UNC5D: variants seen among roughly 807,000 people sequenced by gnomAD.
UNC5D encodes netrin receptor UNC5D.
In UNC5D, 39 loss-of-function variants were observed where a neutral mutation model predicts 105.4. The observed-to-expected ratio is 0.37, with a 90% confidence interval of 0.29 to 0.48. The LOEUF (loss-of-function observed/expected upper bound fraction) is 0.48. UNC5D is among the 20% of genes least tolerant of loss of function. UNC5D has a pLI of 0.98. For synonymous variants in UNC5D, 452 were observed against 450.4 expected (o/e 1.00, Z -0.04); for missense variants, 991 against 1,202.4 (o/e 0.82, Z 2.60).
At chr8:35,629,429 C>T (rs1586288794) in intron 4 of UNC5D, among the ~76,000 whole-genome samples, 1 of 151,858 alleles carries the variant, frequency 6.6e-6, no homozygotes, top group East Asian at 1.9e-4. Context: ...TGAACAAATT[C>T]AGCAACAGAA....
intron 11 of UNC5D, among the ~76,000 whole-genome samples, chr8:35,735,987 T>C: frequency 6.6e-6 from 1 of 152,202 alleles, no homozygotes; most frequent in East Asian, 1.9e-4. Flanking sequence ...TTTTATGATA[T>C]GAATCTGTTT....
chr8:35,522,140 G>A (rs1813529631), intron 1 of UNC5D, among the ~76,000 whole-genome samples: 2 of 152,122 alleles, frequency 1.3e-5, no homozygotes, highest in Non-Finnish European at 2.9e-5. Flanking sequence ...AAAATATCTG[G>A]TGATTCTAAA....
chr8:35,646,312 G>A (rs1026318240), intron 4 of UNC5D, among the ~76,000 whole-genome samples: 2 of 152,066 alleles, frequency 1.3e-5, no homozygotes, highest in Admixed American at 1.3e-4. Context: ...GTGCTGAGAT[G>A]GCAGAAATTG....
rs778179010 is a variant in UNC5D, at chr8:35,239,106, C to T, written c.103+3219C>T. 3.2e-4 allele frequency among the ~76,000 whole-genome samples: 49 copies of T among 152,268 alleles called. 1 individual carries two copies. Among genetic ancestry groups the T allele is most frequent in the Admixed American group, 2.4e-3 (37 of 15,304 alleles). On this transcript the variant is annotated intron_variant, in intron 1 of 16. Coordinates refer to ENST00000404895, the MANE Select transcript of UNC5D (RefSeq NM_080872.4). The stretch of plus-strand genomic sequence containing the variant: ...CCTTCTTAAGAGATCTTTTAAGCAT[C>T]TCAGTTTTTAATAAGAGATTAATTG...
intron 1 of UNC5D, among the ~76,000 whole-genome samples, chr8:35,270,071 A>G (rs1805171169): frequency 6.6e-6 from 1 of 152,170 alleles, no homozygotes. Context: ...TCAGAAGATA[A>G]TTGAGAGGGA....
chr8:35,739,146 A>G (rs1829620821), intron 11 of UNC5D, among the ~76,000 whole-genome samples: 1 of 152,198 alleles, frequency 6.6e-6, no homozygotes, highest in Admixed American at 6.6e-5. Flanking sequence ...TGTAACAAAA[A>G]GGGCAATTTA....
At chr8:35,345,169 G>A (rs1322422338) in intron 1 of UNC5D, among the ~76,000 whole-genome samples, 1 of 151,938 alleles carries the variant, frequency 6.6e-6, no homozygotes, top group Non-Finnish European at 1.5e-5. Context: ...TGAAAAGAAC[G>A]CTTGTAATCT....
intron 1 of UNC5D, among the ~76,000 whole-genome samples, chr8:35,323,601 A>G (rs1014895607): frequency 6.6e-6 from 1 of 152,198 alleles, no homozygotes; most frequent in Admixed American, 6.5e-5. Context: ...TTCCAAAAAC[A>G]TATGTCATTT....
chr8:35,583,453 C>G (rs538896880), intron 3 of UNC5D, among the ~76,000 whole-genome samples: 9 of 152,176 alleles, frequency 5.9e-5, no homozygotes, highest in South Asian at 2.1e-4. Flanking sequence ...AACTGAGCAG[C>G]CTAAGTGCAG....
intron 7 of UNC5D, among the ~76,000 whole-genome samples, chr8:35,693,533 A>C (rs1046887463): frequency 6.6e-6 from 1 of 152,180 alleles, no homozygotes; most frequent in African/African-American, 2.4e-5. Flanking sequence ...AACACTTCAG[A>C]TGCCTTTTGT....
intron 1 of UNC5D, among the ~76,000 whole-genome samples, chr8:35,271,710 TATTTATAC>T (rs59253719): frequency 0.39 from 45,625 of 115,708 alleles, 9,502 homozygotes; most frequent in Admixed American, 0.43. Flanking sequence ...TATACATATA[TATTTATAC>T]ATGTATACAT....
intron 1 of UNC5D, among the ~76,000 whole-genome samples, chr8:35,238,577 AC>A (rs1802611333): frequency 6.6e-6 from 1 of 152,142 alleles, no homozygotes; most frequent in African/African-American, 2.4e-5. Flanking sequence ...ATGTTGTCAT[AC>A]TGATTTGTTT....
intron 1 of UNC5D, among the ~76,000 whole-genome samples, chr8:35,330,852 GA>G (rs1159823595): frequency 1.3e-5 from 2 of 152,160 alleles, no homozygotes; most frequent in East Asian, 3.9e-4. Context: ...ACAAAATGTG[GA>G]TAAAGTGATA....
intron 1 of UNC5D, among the ~76,000 whole-genome samples, chr8:35,323,188 C>CTTT (rs67076001): frequency 3.2e-5 from 4 of 125,944 alleles, no homozygotes; most frequent in Admixed American, 7.8e-5. Flanking sequence ...TTTTCTTTTT[C>CTTT]TTTTTTTTTT....
intron 1 of UNC5D, among the ~76,000 whole-genome samples, chr8:35,337,212 C>T (rs1302142460): frequency 6.6e-6 from 1 of 152,014 alleles, no homozygotes; most frequent in Non-Finnish European, 1.5e-5. Context: ...ATTTGTGTCC[C>T]TCCCCCTCAC....
chr8:35,484,877 T>C (rs571936532), intron 1 of UNC5D, among the ~76,000 whole-genome samples: 7 of 152,344 alleles, frequency 4.6e-5, no homozygotes, highest in African/African-American at 1.4e-4. Context: ...TGACAAAGTC[T>C]AGACAAATTA....
chr8:35,694,416 G>A (rs1399946555), intron 7 of UNC5D, among the ~76,000 whole-genome samples: 1 of 152,136 alleles, frequency 6.6e-6, no homozygotes, highest in African/African-American at 2.4e-5. Flanking sequence ...AATGAATTGA[G>A]CCTGTTGGAT....
intron 1 of UNC5D, among the ~76,000 whole-genome samples, chr8:35,490,557 C>T (rs532857199): frequency 6.6e-6 from 1 of 151,846 alleles, no homozygotes; most frequent in African/African-American, 2.4e-5. Context: ...GAATTTCGGG[C>T]CTTCATGGAA....
chr8:35,725,116 AG>A (rs1451594900), intron 9 of UNC5D, among the ~76,000 whole-genome samples: 1 of 152,190 alleles, frequency 6.6e-6, no homozygotes, highest in Non-Finnish European at 1.5e-5. Context: ...GAAAAACAAT[AG>A]AGGCTAATAC....
Sources: gnomAD v4.1 joint callset for allele counts (sites outside exome capture counted in the v4.1 genomes callset) on GRCh38, gnomAD v4.1.1 for gene constraint, MANE v1.5 for transcripts, NCBI Gene and HGNC (gene_info 2026-07-23, HGNC 2026-07-21) for gene names.